Variants in LRCH1 observed in about 807,000 individuals in gnomAD.
The protein encoded by LRCH1 is leucine rich repeats and calponin homology domain containing 1, also known as leucine-rich repeat and calponin homology domain-containing protein 1.
In LRCH1, 23 loss-of-function variants were observed where a neutral mutation model predicts 94.9. That is an observed-to-expected ratio of 0.24 (90% CI 0.17 to 0.34). The LOEUF (loss-of-function observed/expected upper bound fraction) is 0.34, where lower values mean the gene tolerates loss of function less well. Ranked by LOEUF, LRCH1 falls within the 10% of genes least tolerant of loss-of-function variation. The pLI is 1.00. For missense variants in LRCH1, 790 were observed against 945.9 expected (o/e 0.84, Z 2.16); for synonymous variants, 364 against 354.9 (o/e 1.03, Z -0.29).
chr13:46,697,027 C>G (rs1871231231), intron 9 of LRCH1, among the ~76,000 whole-genome samples: 1 of 152,190 alleles, frequency 6.6e-6, no homozygotes, highest in Non-Finnish European at 1.5e-5. Flanking sequence ...ATGACTGCAC[C>G]ACTGCACTCC....
At chr13:46,637,765 C>T (rs1266895268) in intron 1 of LRCH1, among the ~76,000 whole-genome samples, 5 of 152,042 alleles carry the variant, frequency 3.3e-5, no homozygotes, top group African/African-American at 7.3e-5. Context: ...TGTAACATGC[C>T]GTATATTTTA....
chr13:46,622,578 A>G (rs2050893158), intron 1 of LRCH1, among the ~76,000 whole-genome samples: 1 of 152,124 alleles, frequency 6.6e-6, no homozygotes, highest in South Asian at 2.1e-4. Context: ...TTAGTCCTAA[A>G]CTAGTACCAC....
chr13:46,583,430 C>T (rs187266707), intron 1 of LRCH1, among the ~76,000 whole-genome samples: 3 of 152,290 alleles, frequency 2.0e-5, no homozygotes, highest in East Asian at 1.9e-4. Context: ...TATGTCATAG[C>T]GTAATTTTGT....
chr13:46,661,195 T>C (rs2051443390), intron 2 of LRCH1, among the ~76,000 whole-genome samples: 1 of 152,152 alleles, frequency 6.6e-6, no homozygotes, highest in African/African-American at 2.4e-5. Flanking sequence ...ATCACAGAAT[T>C]TGATCTAAAG....
At chr13:46,554,028 G>T (rs979818495) in intron 1 of LRCH1, among the ~76,000 whole-genome samples, 2 of 152,224 alleles carry the variant, frequency 1.3e-5, no homozygotes, top group South Asian at 2.1e-4. Context: ...ACTTGCAGGC[G>T]CGCCGCGTGC....
In LRCH1 at chr13:46,615,508, G is replaced by A. The variant is rs568136285; in HGVS notation, c.308-34693G>A. On this transcript the variant is annotated intron_variant, in intron 1 of 19. Transcript: ENST00000389797. ...GTCACATTTCAACATGAGATTTGGA[G>A]GGGGAAAAAACCTCCAAACCTCATC... Among the ~76,000 whole-genome samples the A allele has an allele frequency of 2.6e-5, 4 of 152,240 alleles. No homozygotes were observed. In the South Asian group the frequency reaches 8.3e-4, roughly 32 times the overall value.
chr13:46,740,872 A>G (rs1211340976), intron 19 of LRCH1, among the ~76,000 whole-genome samples: 1 of 152,188 alleles, frequency 6.6e-6, no homozygotes, highest in Non-Finnish European at 1.5e-5. Flanking sequence ...GCTTCCTTAC[A>G]TGGTGACTGT....
intron 8 of LRCH1, among the ~76,000 whole-genome samples, chr13:46,693,502 A>G (rs918877386): frequency 7.9e-5 from 12 of 152,198 alleles, no homozygotes; most frequent in African/African-American, 2.9e-4. Flanking sequence ...CGCACTGCAC[A>G]TGAGGGTGGG....
At chr13:46,709,622 C>T (rs982925144) in intron 13 of LRCH1, among the ~76,000 whole-genome samples, 2 of 151,964 alleles carry the variant, frequency 1.3e-5, no homozygotes, top group African/African-American at 4.8e-5. Flanking sequence ...CCCATGATTT[C>T]GGGAGTCCCT....
chr13:46,669,135 G>C lies in LRCH1; in HGVS notation c.558G>C (p.Gln186His), dbSNP rs775346865. The C allele has an allele frequency of 1.2e-6, 2 of 1,614,046 alleles. No homozygotes were observed. The highest frequency in any genetic ancestry group is 2.2e-5 in the South Asian group (2 of 91,058). Residue 186 changes from glutamine to histidine, a missense_variant, in exon 3 of 20, where the codon CAG becomes CAC. By Grantham distance (24) the Gln-to-His change is conservative (BLOSUM62 0). Transcript: ENST00000389797. ...KLGSLPEEIG[Q>H]LKQLMELDVS... ...GATCATTACCAGAAGAGATAGGTCAGCTCAAACAGTTAATGGAGCTGGTAT... is the reference window on the plus strand; with the variant it reads ...GATCATTACCAGAAGAGATAGGTCACCTCAAACAGTTAATGGAGCTGGTAT...
intron 1 of LRCH1, among the ~76,000 whole-genome samples, chr13:46,645,936 A>T (rs1167154744): frequency 8.1e-6 from 1 of 123,210 alleles, no homozygotes; most frequent in Non-Finnish European, 1.7e-5. Context: ...GGAAAGGTTA[A>T]GTTTGGAATG....
At position 46,683,565 on chromosome 13, in the gene LRCH1, T is replaced by G. The variant is rs111791579; in HGVS notation, c.685+1719T>G. On this transcript the variant is annotated intron_variant, in intron 4 of 19. Transcript: ENST00000389797. Reference sequence around the variant, plus strand: ...TTTATGAGTTAAAGAAAACTTTCATTTAAACTTAAGCTCTCATGTTAATCA... The same window carrying G: ...TTTATGAGTTAAAGAAAACTTTCATGTAAACTTAAGCTCTCATGTTAATCA... Among the ~76,000 whole-genome samples, 512 of 152,340 alleles carry G rather than the reference T, an allele frequency of 3.4e-3. 2 individuals are homozygous for G. Among genetic ancestry groups the G allele is most frequent in the Non-Finnish European group, 4.9e-3 (332 of 68,034 alleles).
At chr13:46,734,328 G>C (rs537488362) in intron 19 of LRCH1, among the ~76,000 whole-genome samples, 1 of 152,086 alleles carries the variant, frequency 6.6e-6, no homozygotes, top group Non-Finnish European at 1.5e-5. Flanking sequence ...CTTCTCTTAG[G>C]CTTCATAGAG....
intron 11 of LRCH1, among the ~76,000 whole-genome samples, chr13:46,701,673 G>A (rs571606597): frequency 2.6e-4 from 40 of 152,262 alleles, no homozygotes; most frequent in African/African-American, 8.4e-4. Context: ...TGGGATACAG[G>A]ATAATTTTAA....
chr13:46,600,569 C>T (rs2137981200), intron 1 of LRCH1, among the ~76,000 whole-genome samples: 1 of 150,958 alleles, frequency 6.6e-6, no homozygotes. Flanking sequence ...AAAATTAAGA[C>T]ACCCAGTAAG....
At chr13:46,636,841 T>A (rs1323442166) in intron 1 of LRCH1, among the ~76,000 whole-genome samples, 1 of 152,216 alleles carries the variant, frequency 6.6e-6, no homozygotes, top group Non-Finnish European at 1.5e-5. Flanking sequence ...TTCTTCCTCT[T>A]GTTGCCTCTG....
intron 16 of LRCH1, among the ~76,000 whole-genome samples, chr13:46,716,152 A>T (rs1424033779): frequency 6.6e-6 from 1 of 152,114 alleles, no homozygotes; most frequent in Non-Finnish European, 1.5e-5. Flanking sequence ...AATGAAGATA[A>T]ATCATTTGCC....
At position 46,711,646 on chromosome 13, in the gene LRCH1, C is replaced by G. The variant is rs1872067650; in HGVS notation, c.1528-145C>G. Reference sequence around the variant, plus strand: ...CGTATGAGTATGGTCTACTTAGTTACTGAACACACTAACTAATTAATTCAA... The same window carrying G: ...CGTATGAGTATGGTCTACTTAGTTAGTGAACACACTAACTAATTAATTCAA... On this transcript the variant is annotated intron_variant, in intron 13 of 19. Transcript: ENST00000389797. 5.5e-5 allele frequency: 31 copies of G among 567,974 alleles called. No homozygotes were observed. In the East Asian group the frequency reaches 8.5e-4, roughly 16 times the overall value. The allele number at this position is 567,974 out of a possible 1,614,324, so 35.2% of individuals were successfully genotyped here.
chr13:46,752,790 A>G (rs928900917), exon 19 of LRCH1: 1 of 151,856 alleles, frequency 6.6e-6, no homozygotes, highest in African/African-American at 2.4e-5. Context: ...ATTTCTTTTG[A>G]TATTAATTTT....
Sources: allele counts gnomAD v4.1 joint callset (sites outside exome capture counted in the v4.1 genomes callset), GRCh38; gene constraint gnomAD v4.1.1; transcripts MANE v1.5; gene names NCBI Gene and HGNC (gene_info 2026-07-23, HGNC 2026-07-21).